Variants in KCNQ3 observed in about 807,000 individuals in gnomAD.
The protein encoded by KCNQ3 is potassium voltage-gated channel subfamily KQT member 3.
In KCNQ3, 30 loss-of-function variants were observed where a neutral mutation model predicts 92.5. The ratio of observed to expected loss-of-function variants is 0.32; its 90% CI spans 0.24 to 0.44. The LOEUF is 0.44. Among genes scored for constraint, KCNQ3 ranks in the 20% least tolerant of loss-of-function variants. KCNQ3 has a pLI of 1.00. For missense variants in KCNQ3, 913 were observed against 1,140.3 expected, an observed-to-expected ratio of 0.80 and a Z score of 2.87; for synonymous variants, 450 against 468.8, an observed-to-expected ratio of 0.96 and a Z score of 0.52.
rs990537444 is a variant in KCNQ3, at chr8:132,135,784, T to G, written c.1701-1396A>C. Among the ~76,000 whole-genome samples the G allele has an allele frequency of 5.9e-5, 9 of 152,148 alleles. No homozygotes were observed. The South Asian group carries it at 1.9e-3, about 32-fold the overall frequency. ...CATTCGGCAGGCAGTGAGCACTGACTCTGTGCCTGCCACTATACTAGGAAG... is the reference window on the plus strand; with the variant it reads ...CATTCGGCAGGCAGTGAGCACTGACGCTGTGCCTGCCACTATACTAGGAAG... On this transcript the variant is annotated intron_variant, in intron 12 of 14. Transcript: ENST00000388996.
At chr8:132,271,805 C>T (rs543326577) in intron 1 of KCNQ3, among the ~76,000 whole-genome samples, 2 of 152,248 alleles carry the variant, frequency 1.3e-5, no homozygotes, top group Admixed American at 6.5e-5. Context: ...TTCACTGCAC[C>T]GTAGTGAGTC....
At chr8:132,291,270 A>T (rs1816827113) in intron 1 of KCNQ3, among the ~76,000 whole-genome samples, 1 of 152,170 alleles carries the variant, frequency 6.6e-6, no homozygotes, top group Non-Finnish European at 1.5e-5. Context: ...TTTAAACACC[A>T]ATTGACTTTC....
chr8:132,182,212 G>A (rs1376356833), intron 3 of KCNQ3, among the ~76,000 whole-genome samples: 1 of 152,268 alleles, frequency 6.6e-6, no homozygotes, highest in African/African-American at 2.4e-5. Context: ...CAGATTATCT[G>A]TGCAAACCTA....
intron 1 of KCNQ3, among the ~76,000 whole-genome samples, chr8:132,398,806 G>C (rs1174689222): frequency 6.6e-6 from 1 of 152,208 alleles, no homozygotes; most frequent in Non-Finnish European, 1.5e-5. Flanking sequence ...AAATTAGGCA[G>C]CATGTTGATG....
chr8:132,414,496 C>T lies in KCNQ3; in HGVS notation c.386+65651G>A, dbSNP rs146835440. ...CCAGCAGCTATTCTACCAGAGAAGC[C>T]CTGTCACATCTGATATGGCTGAATC... is the stretch of plus-strand genomic sequence containing the variant. On this transcript the variant is annotated intron_variant, in intron 1 of 14. Transcript: ENST00000388996. 9.9e-3 allele frequency among the ~76,000 whole-genome samples: 1,508 copies of T among 152,302 alleles called. 36 individuals carry two copies. The highest frequency in any genetic ancestry group is 0.034 in the African/African-American group (1,426 of 41,562).
chr8:132,343,532 A>T (rs1239704891), intron 1 of KCNQ3, among the ~76,000 whole-genome samples: 1 of 152,070 alleles, frequency 6.6e-6, no homozygotes, highest in Non-Finnish European at 1.5e-5. Context: ...ATCTTGCTAA[A>T]CTCACAGGAG....
At chr8:132,252,220 G>A (rs544205229) in intron 1 of KCNQ3, among the ~76,000 whole-genome samples, 51 of 152,280 alleles carry the variant, frequency 3.3e-4, no homozygotes, top group Admixed American at 2.7e-3. Context: ...ATGAAGCTGT[G>A]GACCCTCATG....
chr8:132,320,720 TA>T (rs1401433169), intron 1 of KCNQ3, among the ~76,000 whole-genome samples: 1 of 151,970 alleles, frequency 6.6e-6, no homozygotes, highest in Non-Finnish European at 1.5e-5. Context: ...AAATTACATT[TA>T]ACACCAAGCA....
At chr8:132,190,113 T>C (rs1279940003) in intron 1 of KCNQ3, among the ~76,000 whole-genome samples, 1 of 152,114 alleles carries the variant, frequency 6.6e-6, no homozygotes, top group Non-Finnish European at 1.5e-5. Flanking sequence ...CAGGTTGGTG[T>C]CCCACAGCTG....
At chr8:132,130,074 CTTTTTTTTTGTTTTTT>C (rs1824824855) in intron 14 of KCNQ3, 78 bp from the exon 15 acceptor site, 6 of 1,040,128 alleles carry the variant, frequency 5.8e-6, no homozygotes, top group Middle Eastern at 3.3e-4. Context: ...AGGAAATATT[CTTTTTTTTTGTTTTTT>C]TTTTTTTTTT....
chr8:132,175,501 C>A lies in KCNQ3; in HGVS notation c.885G>T (p.Glu295Asp), dbSNP rs767637969. Residue 295 changes from glutamate to aspartate, a missense_variant, in exon 5 of 15, where the codon GAG becomes GAT. Glu to Asp is a conservative substitution (Grantham distance 45, BLOSUM62 2). Transcript: ENST00000388996. ...CATAGGTCTCAAACTCCTCTTTCAT[C>A]TCCTCTCCTTGTGCATCCACCTCTG... The part of the protein sequence containing the change: ...DVPEVDAQGE[E>D]MKEEFETYAD... 1 of 1,614,228 alleles carries A rather than the reference C, an allele frequency of 6.2e-7. No individual in the cohort carries two copies. The highest frequency in any genetic ancestry group is 2.2e-5 in the East Asian group (1 of 44,870).
intron 9 of KCNQ3, among the ~76,000 whole-genome samples, chr8:132,152,133 A>T (rs1403436583): frequency 6.6e-6 from 1 of 152,150 alleles, no homozygotes; most frequent in Non-Finnish European, 1.5e-5. Flanking sequence ...TTTGGCAGAC[A>T]CTCTCAAATA....
In KCNQ3 at chr8:132,480,461, C is replaced by T; in HGVS notation, c.72G>A (p.Gly24=). 1 of 1,274,506 alleles carries T rather than the reference C, an allele frequency of 7.8e-7. No homozygotes were observed. The highest frequency in any genetic ancestry group is 9.9e-7 in the Non-Finnish European group (1 of 1,014,718). The allele number at this position is 1,274,506 out of a possible 1,614,324, so 78.9% of individuals were successfully genotyped here. The change falls in exon 1 of 15, where the codon GGG becomes GGA. Residue 24 remains glycine, a synonymous_variant. Coordinates refer to ENST00000388996, the MANE Select transcript of KCNQ3 (RefSeq NM_004519.4). ...GGGDGGGGGG[G]AANPAGGDAA... ...CGTCCCCTCCGGCTGGGTTAGCCGC[C>T]CCGCCGCCTCCGCCGCCCCCGTCGC...
rs1822544592 is a variant in KCNQ3, at chr8:132,480,758, A to T, written c.-226T>A. The T allele has an allele frequency of 4.3e-6, 1 of 232,920 alleles. No homozygotes were observed. Among genetic ancestry groups the T allele is most frequent in the African/African-American group, 2.4e-5 (1 of 41,046 alleles). The allele number at this position is 232,920 out of a possible 1,614,324, so 14.4% of individuals were successfully genotyped here. On this transcript the variant is annotated 5_prime_UTR_variant, in exon 1 of 15. Transcript: ENST00000388996. ...CAGGGGGTCACATCCCGCGCGGGTC[A>T]GCCGCAGGACCCCGAGGGTCGCGGG...
At chr8:132,383,497 T>A (rs1819808887) in intron 1 of KCNQ3, among the ~76,000 whole-genome samples, 1 of 152,178 alleles carries the variant, frequency 6.6e-6, no homozygotes, top group African/African-American at 2.4e-5. Context: ...AAGAAGGCAG[T>A]AACTACAGGC....
At chr8:132,312,897 G>A (rs1427289981) in intron 1 of KCNQ3, among the ~76,000 whole-genome samples, 1 of 152,152 alleles carries the variant, frequency 6.6e-6, no homozygotes, top group Non-Finnish European at 1.5e-5. Context: ...GTTCTTTATA[G>A]CAGTGTGAGA....
intron 1 of KCNQ3, among the ~76,000 whole-genome samples, chr8:132,444,921 G>T (rs1821634338): frequency 6.6e-6 from 1 of 152,140 alleles, no homozygotes; most frequent in Non-Finnish European, 1.5e-5. Context: ...AATTACAAAG[G>T]AACCTAGAAA....
intron 1 of KCNQ3, among the ~76,000 whole-genome samples, chr8:132,221,105 T>C (rs544323237): frequency 6.6e-6 from 1 of 152,288 alleles, no homozygotes; most frequent in Admixed American, 6.5e-5. Context: ...CTCAGAATGA[T>C]GGTATACAGC....
chr8:132,438,335 C>T (rs1464768562), intron 1 of KCNQ3, among the ~76,000 whole-genome samples: 1 of 152,122 alleles, frequency 6.6e-6, no homozygotes, highest in African/African-American at 2.4e-5. Flanking sequence ...TCCTGGGCTG[C>T]TTCCAAATGC....
Sources: gnomAD v4.1 joint callset for allele counts (sites outside exome capture counted in the v4.1 genomes callset) on GRCh38, gnomAD v4.1.1 for gene constraint, MANE v1.5 for transcripts, NCBI Gene and HGNC (gene_info 2026-07-23, HGNC 2026-07-21) for gene names.